PTPRN2: variants seen among roughly 807,000 people sequenced by gnomAD.
PTPRN2 encodes the protein receptor-type tyrosine-protein phosphatase N2.
Under a neutral mutation model 118.8 loss-of-function variants are expected in PTPRN2, and 74 were observed. That is an observed-to-expected ratio of 0.62 (90% CI 0.52 to 0.76). The LOEUF is 0.76. PTPRN2 is among the 30% of genes least tolerant of loss of function. The pLI, the probability that PTPRN2 is intolerant of heterozygous loss-of-function variation, is 0.00. For missense variants in PTPRN2, 1,481 were observed against 1,394.4 expected (o/e 1.06, Z -0.99); for synonymous variants, 641 against 608.0 (o/e 1.05, Z -0.80).
intron 2 of PTPRN2, among the ~76,000 whole-genome samples, chr7:158,454,906 A>G (rs1002861615): frequency 7.2e-5 from 11 of 152,050 alleles, no homozygotes; most frequent in African/African-American, 1.2e-4. Flanking sequence ...ACAGACATAC[A>G]CAGCCTCAGC....
chr7:158,257,764 A>G (rs116842145), intron 3 of PTPRN2, among the ~76,000 whole-genome samples: 5,596 of 152,338 alleles, frequency 0.037, 151 homozygotes, highest in East Asian at 0.11. Flanking sequence ...CTGACCTGGA[A>G]CTGCCCTGAT....
chr7:158,307,893 TAAG>T, intron 3 of PTPRN2, among the ~76,000 whole-genome samples: 1 of 152,178 alleles, frequency 6.6e-6, no homozygotes, highest in African/African-American at 2.4e-5. Context: ...GGTGACTTTC[TAAG>T]AAGAGGAAGG....
chr7:158,567,979 G>C lies in PTPRN2; in HGVS notation c.112+19579C>G, dbSNP rs140242757. Among the ~76,000 whole-genome samples, 214 of 152,314 alleles carry C rather than the reference G, an allele frequency of 1.4e-3. 2 individuals carry two copies. Among genetic ancestry groups the C allele is most frequent in the African/African-American group, 5.0e-3 (208 of 41,570 alleles). On this transcript the variant is annotated intron_variant, in intron 1 of 22. Coordinates refer to ENST00000389418, the MANE Select transcript of PTPRN2 (RefSeq NM_002847.5). ...TTATTAAAAACTCTTTTGCCCAGGT[G>C]CAGTGGCTCACATCTGTAATCCCAA... is the stretch of plus-strand genomic sequence containing the variant.
At chr7:158,557,692 GCTC>G (rs1315034242) in intron 1 of PTPRN2, among the ~76,000 whole-genome samples, 1 of 152,220 alleles carries the variant, frequency 6.6e-6, no homozygotes, top group Non-Finnish European at 1.5e-5. Context: ...GATTTCTAAA[GCTC>G]CTCCTCTAGT....
intron 3 of PTPRN2, among the ~76,000 whole-genome samples, chr7:158,285,472 G>A (rs1193839351): frequency 2.0e-5 from 3 of 152,168 alleles, no homozygotes; most frequent in South Asian, 2.1e-4. Context: ...AGAGCTGAGC[G>A]CTCAGGTCCT....
chr7:158,477,208 G>T (rs534719186), intron 2 of PTPRN2, among the ~76,000 whole-genome samples: 1 of 152,312 alleles, frequency 6.6e-6, no homozygotes, highest in South Asian at 2.1e-4. Flanking sequence ...CCACAAGGTG[G>T]CTGGGACATC....
chr7:157,605,285 C>A (rs1801935920), intron 15 of PTPRN2, among the ~76,000 whole-genome samples: 1 of 152,192 alleles, frequency 6.6e-6, no homozygotes, highest in African/African-American at 2.4e-5. Flanking sequence ...GAGGCTGCGG[C>A]CAGACCAGAC....
rs77723416 is a variant in PTPRN2 at position 157,812,242 on chromosome 7, C to G, written c.1788+86431G>C. On this transcript the variant is annotated intron_variant, in intron 12 of 22. Coordinates refer to ENST00000389418, the MANE Select transcript of PTPRN2 (RefSeq NM_002847.5). Reference sequence around the variant, plus strand: ...TAGATCCGAGGGGCCGTCCTCCTCCCGTGCTGGGACCCTTGGGGCTTGCCG... The same window carrying G: ...TAGATCCGAGGGGCCGTCCTCCTCCGGTGCTGGGACCCTTGGGGCTTGCCG... Among the ~76,000 whole-genome samples, 1,105 of 152,306 alleles carry G rather than the reference C, an allele frequency of 7.3e-3. 13 individuals carry two copies. The highest frequency in any genetic ancestry group is 0.026 in the African/African-American group (1,069 of 41,558).
chr7:157,991,185 G>A (rs1223017820), intron 11 of PTPRN2, among the ~76,000 whole-genome samples: 2 of 152,216 alleles, frequency 1.3e-5, no homozygotes, highest in African/African-American at 4.8e-5. Flanking sequence ...GCAACAGGCT[G>A]GGGCATGACG....
intron 12 of PTPRN2, among the ~76,000 whole-genome samples, chr7:157,702,310 G>A (rs375044008): frequency 6.6e-6 from 1 of 151,634 alleles, no homozygotes; most frequent in South Asian, 2.1e-4. Context: ...TGTAACTGTT[G>A]CGGGCTCTGC....
chr7:157,786,439 G>A (rs1804042515), intron 12 of PTPRN2, among the ~76,000 whole-genome samples: 1 of 152,226 alleles, frequency 6.6e-6, no homozygotes, highest in Admixed American at 6.5e-5. Flanking sequence ...CTCATTTGCT[G>A]TGATCTTCGT....
At chr7:158,219,246 A>G (rs1380119449) in intron 3 of PTPRN2, among the ~76,000 whole-genome samples, 1 of 152,184 alleles carries the variant, frequency 6.6e-6, no homozygotes, top group Non-Finnish European at 1.5e-5. Flanking sequence ...TATAAATACA[A>G]ATAAAAAACA....
rs748146898 is a variant in PTPRN2 at position 157,794,645 on chromosome 7, G to T, written c.1788+104028C>A. ...CTAAAACCGTAAGTGGGAAAAGTGG[G>T]TGCCTTCTGTATTTTACATTTTTTA... On this transcript the variant is annotated intron_variant, in intron 12 of 22. Coordinates refer to ENST00000389418, the MANE Select transcript of PTPRN2 (RefSeq NM_002847.5). This position sits in a 1 kb window ranked among gnomAD's most constrained non-coding sequence, Gnocchi z 5.2. 6.6e-6 allele frequency among the ~76,000 whole-genome samples: 1 copy of T among 152,170 alleles called. No individual in the cohort carries two copies. Among genetic ancestry groups the T allele is most frequent in the Non-Finnish European group, 1.5e-5 (1 of 68,034 alleles).
At position 157,656,692 on chromosome 7, in the gene PTPRN2, AG is replaced by A. The variant is rs1440901210; in HGVS notation, c.2002-142del. 6 of 880,152 alleles carry A rather than the reference AG, an allele frequency of 6.8e-6. No individual in the cohort carries two copies. In the East Asian group the frequency reaches 1.6e-4, roughly 24 times the overall value. 54.5% of individuals were successfully genotyped at this position (880,152 alleles called of 1,614,324 possible). On this transcript the variant is annotated intron_variant, in intron 13 of 22. Transcript: ENST00000389418. Reference sequence around the variant, plus strand: ...GGCAGGCGAGAGTTTACCCCAGGGCAGGCCAGCGCAACATGACGGTCAACGC... The same window carrying A: ...GGCAGGCGAGAGTTTACCCCAGGGCAGCCAGCGCAACATGACGGTCAACGC...
intron 11 of PTPRN2, among the ~76,000 whole-genome samples, chr7:158,080,649 ACT>A (rs1437230412): frequency 1.3e-5 from 2 of 151,762 alleles, no homozygotes; most frequent in Non-Finnish European, 2.9e-5. Context: ...GTTCTTCAAG[ACT>A]CTGGAGAGTA....
intron 2 of PTPRN2, among the ~76,000 whole-genome samples, chr7:158,480,618 G>C (rs867433102): frequency 1.3e-5 from 2 of 152,326 alleles, no homozygotes; most frequent in Middle Eastern, 3.4e-3. Context: ...AAAACAGTTA[G>C]CCAAGTTGTG....
intron 3 of PTPRN2, among the ~76,000 whole-genome samples, chr7:158,217,258 T>C (rs535736941): frequency 7.9e-5 from 12 of 152,236 alleles, no homozygotes; most frequent in Admixed American, 6.5e-4. Context: ...CCAGTGAAGC[T>C]GGTACTAAAG....
In PTPRN2 at chr7:157,726,226, G is replaced by A. The variant is rs561637438; in HGVS notation, c.1789-43289C>T. ...TCCCAGGAGAACTGGATATCCACAC[G>A]CAGAGGAGTGTGGCCAGACCCTCAC... On this transcript the variant is annotated intron_variant, in intron 12 of 22. Transcript: ENST00000389418. 5.3e-4 allele frequency among the ~76,000 whole-genome samples: 74 copies of A among 138,404 alleles called. 1 individual carries two copies. The highest frequency in any genetic ancestry group is 2.1e-3 in the Admixed American group (29 of 13,752). The allele number at this position is 138,404 out of a possible 152,430, so 90.8% of individuals were successfully genotyped here. A position where few individuals can be genotyped will look rare whatever the true frequency, so the allele number is the denominator to read the frequency against.
At chr7:157,689,087 C>T (rs1414045252) in intron 12 of PTPRN2, among the ~76,000 whole-genome samples, 1 of 152,112 alleles carries the variant, frequency 6.6e-6, no homozygotes, top group Non-Finnish European at 1.5e-5. Context: ...AGCCCCCGGG[C>T]GGCGCAGCCG....
Sources: gnomAD v4.1 joint callset for allele counts (sites outside exome capture counted in the v4.1 genomes callset) on GRCh38, gnomAD v4.1.1 for gene constraint, Gnocchi (gnomAD v3.1) non-coding constraint, MANE v1.5 for transcripts, NCBI Gene and HGNC (gene_info 2026-07-23, HGNC 2026-07-21) for gene names.